Variants in CTNNA3 observed in about 807,000 individuals in gnomAD.
CTNNA3 encodes the protein catenin alpha-3.
CTNNA3 carries 76 observed loss-of-function variants against 95.7 expected under a neutral mutation model. That is an observed-to-expected ratio of 0.79 (90% CI 0.66 to 0.96). The LOEUF (loss-of-function observed/expected upper bound fraction) is 0.96. Ranked by LOEUF, CTNNA3 falls within the 40% of genes least tolerant of loss-of-function variation. The pLI, the probability that CTNNA3 is intolerant of heterozygous loss-of-function variation, is 0.00. For synonymous variants in CTNNA3, 431 were observed against 374.4 expected, an observed-to-expected ratio of 1.15 and a Z score of -1.74; for missense variants, 1,191 against 1,089.8, an observed-to-expected ratio of 1.09 and a Z score of -1.31.
intron 5 of CTNNA3, among the ~76,000 whole-genome samples, chr10:67,267,189 A>C (rs1866864065): frequency 6.6e-6 from 1 of 152,184 alleles, no homozygotes; most frequent in South Asian, 2.1e-4. Context: ...AAAGAAATAT[A>C]AGAACAAACT....
intron 7 of CTNNA3, among the ~76,000 whole-genome samples, chr10:66,823,570 G>C (rs1272587893): frequency 1.3e-5 from 2 of 152,038 alleles, no homozygotes; most frequent in African/African-American, 4.8e-5. Context: ...GAGGAGAGTC[G>C]GAAACATCAG....
At chr10:66,433,276 G>A (rs193041397) in intron 11 of CTNNA3, among the ~76,000 whole-genome samples, 16 of 152,298 alleles carry the variant, frequency 1.1e-4, no homozygotes, top group African/African-American at 3.8e-4. Context: ...CAGTATAAAA[G>A]TGTTCCTATT....
chr10:67,541,829 T>C (rs1428742822), intron 3 of CTNNA3, among the ~76,000 whole-genome samples: 3 of 152,120 alleles, frequency 2.0e-5, no homozygotes. Context: ...TTCCAGAATT[T>C]AGAGAGCAGA....
At chr10:67,402,409 G>A (rs1246039247) in intron 5 of CTNNA3, among the ~76,000 whole-genome samples, 1 of 152,212 alleles carries the variant, frequency 6.6e-6, no homozygotes. Flanking sequence ...AGAGAATTGA[G>A]AAAGATGAAG....
chr10:67,030,632 A>G (rs928010870), intron 7 of CTNNA3, among the ~76,000 whole-genome samples: 8 of 152,176 alleles, frequency 5.3e-5, no homozygotes, highest in Non-Finnish European at 4.4e-5. Flanking sequence ...ATGTAGATCA[A>G]TATATTTGTT....
intron 7 of CTNNA3, among the ~76,000 whole-genome samples, chr10:66,824,983 G>C (rs1842446089): frequency 1.3e-5 from 2 of 151,398 alleles, no homozygotes. Flanking sequence ...GAAACTGGGT[G>C]AAATGTATAC....
chr10:66,425,729 C>T (rs2093234968), intron 11 of CTNNA3, among the ~76,000 whole-genome samples: 4 of 151,984 alleles, frequency 2.6e-5, no homozygotes, highest in Admixed American at 2.6e-4. Context: ...TATTCACACA[C>T]ATGCTTTTTA....
chr10:66,959,455 G>A (rs567006115), intron 7 of CTNNA3, among the ~76,000 whole-genome samples: 2 of 151,992 alleles, frequency 1.3e-5, no homozygotes, highest in South Asian at 2.1e-4. Flanking sequence ...CCACTTCTGC[G>A]GCAATTGGGC....
chr10:67,459,353 GT>G (rs1847291009), intron 5 of CTNNA3, among the ~76,000 whole-genome samples: 1 of 152,168 alleles, frequency 6.6e-6, no homozygotes, highest in South Asian at 2.1e-4. Flanking sequence ...CTTTGCATTA[GT>G]AGTGGGGATG....
chr10:66,962,235 T>C lies in CTNNA3; in HGVS notation c.1048-186711A>G, dbSNP rs546775502. The stretch of plus-strand genomic sequence containing the variant: ...TGCCTCAAGGCCTAACAGAATTTCA[T>C]ACAATATACATTTTCTCACTGACCT... On this transcript the variant is annotated intron_variant, in intron 7 of 17. Transcript: ENST00000433211. Among the ~76,000 whole-genome samples, 8 of 152,194 alleles carry C rather than the reference T, an allele frequency of 5.3e-5. No individual in the cohort carries two copies. The South Asian group carries it at 1.7e-3, about 32-fold the overall frequency.
intron 5 of CTNNA3, among the ~76,000 whole-genome samples, chr10:67,498,777 T>A (rs1242001860): frequency 6.6e-6 from 1 of 152,238 alleles, no homozygotes; most frequent in East Asian, 1.9e-4. Flanking sequence ...TTTTTGCGCA[T>A]TGATTTTGTA....
intron 5 of CTNNA3, among the ~76,000 whole-genome samples, chr10:67,320,724 C>A (rs943712139): frequency 2.6e-5 from 4 of 152,098 alleles, no homozygotes; most frequent in Non-Finnish European, 5.9e-5. Flanking sequence ...AGACACTGGG[C>A]TACACGTTGA....
chr10:67,297,836 T>C (rs539094745), intron 5 of CTNNA3, among the ~76,000 whole-genome samples: 85 of 152,310 alleles, frequency 5.6e-4, no homozygotes, highest in Non-Finnish European at 1.0e-3. Context: ...CCTGCGGTCA[T>C]GTAGGGTCCA....
At position 66,280,501 on chromosome 10, in the gene CTNNA3, T is replaced by G; in HGVS notation, c.1853A>C (p.His618Pro). The G allele has an allele frequency of 6.2e-7, 1 of 1,608,254 alleles. No homozygotes were observed. Among genetic ancestry groups the G allele is most frequent in the Non-Finnish European group, 8.5e-7 (1 of 1,177,756 alleles). The change falls in exon 13 of 18, where the codon CAT (histidine) becomes CCT (proline). Residue 618 changes from histidine to proline, a missense_variant. Transcript: ENST00000433211. ...CATCATGACTGAACATCTGATATCATGAATTGTATCATAGATCTTCTTTGA... is the reference window on the plus strand; with the variant it reads ...CATCATGACTGAACATCTGATATCAGGAATTGTATCATAGATCTTCTTTGA... ...DISKKIYDTI[H>P]DIRCSVMMIR...
intron 5 of CTNNA3, among the ~76,000 whole-genome samples, chr10:67,481,576 A>G (rs1848230097): frequency 6.6e-6 from 1 of 152,188 alleles, no homozygotes; most frequent in Non-Finnish European, 1.5e-5. Flanking sequence ...GTATACATCT[A>G]ACCAAGGAGG....
intron 11 of CTNNA3, among the ~76,000 whole-genome samples, chr10:66,474,221 T>TC (rs998812656): frequency 6.6e-6 from 1 of 151,918 alleles, no homozygotes; most frequent in African/African-American, 2.4e-5. Flanking sequence ...ATTGATTCCT[T>TC]CCCCTCTACA....
chr10:66,633,433 C>T (rs1296971816), intron 9 of CTNNA3, among the ~76,000 whole-genome samples: 2 of 152,168 alleles, frequency 1.3e-5, no homozygotes, highest in Non-Finnish European at 2.9e-5. Flanking sequence ...GTAATCCCAG[C>T]ACTTTGGGAG....
chr10:67,355,704 T>C (rs1178321277), intron 5 of CTNNA3, among the ~76,000 whole-genome samples: 1 of 152,004 alleles, frequency 6.6e-6, no homozygotes. Context: ...TTTAAGTATA[T>C]AGAATGCCTT....
chr10:66,188,170 T>C (rs2086438873), intron 13 of CTNNA3, among the ~76,000 whole-genome samples: 1 of 152,052 alleles, frequency 6.6e-6, no homozygotes, highest in Non-Finnish European at 1.5e-5. Context: ...GACAGATCAA[T>C]TGAGGTTATT....
Sources: gnomAD v4.1 joint callset for allele counts (sites outside exome capture counted in the v4.1 genomes callset) on GRCh38, gnomAD v4.1.1 for gene constraint, MANE v1.5 for transcripts, NCBI Gene and HGNC (gene_info 2026-07-23, HGNC 2026-07-21) for gene names.